Variants in KLHL1 observed in about 807,000 individuals in gnomAD.
The protein encoded by KLHL1 is kelch like family member 1.
In KLHL1, 47 loss-of-function variants were observed where a neutral mutation model predicts 77.7. The ratio of observed to expected loss-of-function variants is 0.60; its 90% CI spans 0.48 to 0.77. The LOEUF is 0.77. Ranked by LOEUF, KLHL1 falls within the 30% of genes least tolerant of loss-of-function variation. The pLI is 0.00. For missense variants in KLHL1, 925 were observed against 910.8 expected, an observed-to-expected ratio of 1.02 and a Z score of -0.20; for synonymous variants, 360 against 325.2, an observed-to-expected ratio of 1.11 and a Z score of -1.15.
At chr13:69,972,185 T>C (rs1208918669) in intron 2 of KLHL1, among the ~76,000 whole-genome samples, 1 of 151,982 alleles carries the variant, frequency 6.6e-6, no homozygotes. Context: ...TTTATATATG[T>C]TGTTTAGGTA....
In KLHL1 at chr13:69,789,292, G is replaced by A. The variant is rs1876740892; in HGVS notation, c.1639+7446C>T. Among the ~76,000 whole-genome samples, 3 of 150,648 alleles carry A rather than the reference G, an allele frequency of 2.0e-5. No individual in the cohort carries two copies. The South Asian group carries it at 6.3e-4, about 32-fold the overall frequency. ...TACATGTCTGTCTGTCTTTTATTTT[G>A]TATGGGTAACTTGACAAAATAAGTC... On this transcript the variant is annotated intron_variant, in intron 7 of 10. Coordinates refer to ENST00000377844, the MANE Select transcript of KLHL1 (RefSeq NM_020866.3).
Position 69,975,820 on chromosome 13 carries a change from A to G in KLHL1, c.498-18T>C. The G allele has an allele frequency of 6.5e-7, 1 of 1,536,456 alleles. No homozygotes were observed. Among genetic ancestry groups the G allele is most frequent in the Non-Finnish European group, 8.7e-7 (1 of 1,149,154 alleles). On this transcript the variant is annotated intron_variant, in intron 1 of 10. Coordinates refer to ENST00000377844, the MANE Select transcript of KLHL1 (RefSeq NM_020866.3). Reference sequence around the variant, plus strand: ...ATGACAGCCTATAAACCACACACACACACACACACACACAAAATAATAAAG... The same window carrying G: ...ATGACAGCCTATAAACCACACACACGCACACACACACACAAAATAATAAAG...
chr13:69,990,395 G>A (rs1884997132), intron 1 of KLHL1, among the ~76,000 whole-genome samples: 1 of 151,988 alleles, frequency 6.6e-6, no homozygotes, highest in African/African-American at 2.4e-5. Flanking sequence ...ATAAAAGCAA[G>A]AGCCAGGGGT....
chr13:70,002,090 CAA>C (rs1885306299), intron 1 of KLHL1, among the ~76,000 whole-genome samples: 1 of 151,524 alleles, frequency 6.6e-6, no homozygotes, highest in South Asian at 2.1e-4. Flanking sequence ...CTTGATAGAA[CAA>C]AATTCAGCAC....
chr13:70,088,421 T>G (rs1435099618), intron 1 of KLHL1, among the ~76,000 whole-genome samples: 1 of 152,174 alleles, frequency 6.6e-6, no homozygotes, highest in East Asian at 1.9e-4. Flanking sequence ...GGCTTACACC[T>G]GTAATTTCAA....
At chr13:70,090,762 T>C (rs1285904918) in intron 1 of KLHL1, among the ~76,000 whole-genome samples, 2 of 152,060 alleles carry the variant, frequency 1.3e-5, no homozygotes, top group Non-Finnish European at 2.9e-5. Context: ...CTGGGAAACA[T>C]CCATGTTGAA....
Position 69,892,991 on chromosome 13 carries a change from G to T in KLHL1, c.1015-10496C>A, listed in dbSNP as rs140095282. ...CCCTTCTGGGATGAATAATTTACTA[G>T]TTGCTTACAACCAACATTTAAAAAT... On this transcript the variant is annotated intron_variant, in intron 4 of 10. Transcript: ENST00000377844. Among the ~76,000 whole-genome samples, 1,053 of 152,152 alleles carry T rather than the reference G, an allele frequency of 6.9e-3. 54 individuals carry two copies. The highest frequency in any genetic ancestry group is 0.064 in the Admixed American group (977 of 15,254).
intron 1 of KLHL1, among the ~76,000 whole-genome samples, chr13:70,073,910 C>T (rs1185796848): frequency 1.3e-5 from 2 of 151,874 alleles, no homozygotes; most frequent in African/African-American, 2.4e-5. Context: ...ACCGCAGCCT[C>T]CACCTCCTGG....
intron 2 of KLHL1, among the ~76,000 whole-genome samples, chr13:69,973,422 T>C (rs1453257581): frequency 6.6e-6 from 1 of 151,716 alleles, no homozygotes; most frequent in Non-Finnish European, 1.5e-5. Context: ...AGCAATGCTT[T>C]TACTGAAAGA....
rs538945173 is a variant in KLHL1 at position 70,075,696 on chromosome 13, T to C, written c.497+31507A>G. ...GTATATATATATACACACACGTGTGTATATATGAAAATTAAACCTGAATTA... is the reference window on the plus strand; with the variant it reads ...GTATATATATATACACACACGTGTGCATATATGAAAATTAAACCTGAATTA... On this transcript the variant is annotated intron_variant, in intron 1 of 10. Transcript: ENST00000377844. Among the ~76,000 whole-genome samples the C allele has an allele frequency of 1.7e-3, 245 of 141,834 alleles. 1 individual carries two copies. Among genetic ancestry groups the C allele is most frequent in the African/African-American group, 6.4e-3 (236 of 37,122 alleles). 93.0% of individuals were successfully genotyped at this position (141,834 alleles called of 152,430 possible).
intron 1 of KLHL1, among the ~76,000 whole-genome samples, chr13:69,991,738 G>A (rs528586910): frequency 2.6e-5 from 4 of 151,782 alleles, no homozygotes; most frequent in African/African-American, 7.2e-5. Flanking sequence ...GTGCAAAGAG[G>A]AGCATTCCTA....
intron 6 of KLHL1, among the ~76,000 whole-genome samples, chr13:69,828,368 G>A (rs867335342): frequency 6.7e-6 from 1 of 150,100 alleles, no homozygotes; most frequent in South Asian, 2.1e-4. Context: ...AGAGGAAGTA[G>A]GATGAGCCCT....
At chr13:69,962,826 G>T (rs1884108200) in intron 2 of KLHL1, among the ~76,000 whole-genome samples, 1 of 151,784 alleles carries the variant, frequency 6.6e-6, no homozygotes, top group Non-Finnish European at 1.5e-5. Flanking sequence ...CTTTAATTTT[G>T]TGTAACAACT....
intron 1 of KLHL1, among the ~76,000 whole-genome samples, chr13:70,076,105 A>G (rs545769998): frequency 4.6e-5 from 7 of 152,058 alleles, no homozygotes; most frequent in Non-Finnish European, 1.0e-4. Flanking sequence ...TAAATCAAGC[A>G]TATTGTTTTG....
intron 7 of KLHL1, among the ~76,000 whole-genome samples, chr13:69,788,491 T>C (rs1876680907): frequency 6.6e-6 from 1 of 151,850 alleles, no homozygotes. Context: ...AAGGGGAACA[T>C]CACACTTCGG....
rs71116960 is a variant in KLHL1, at chr13:69,926,946, C to CAAAAAAAAAAAAAAAAAAAAAAAAAAA, written c.1014+13093_1014+13094insTTTTTTTTTTTTTTTTTTTTTTTTTTT. On this transcript the variant is annotated intron_variant, in intron 4 of 10. Coordinates refer to ENST00000377844, the MANE Select transcript of KLHL1 (RefSeq NM_020866.3). ...TGGGTGACAGAGTGAGACTCCATCT[C>CAAAAAAAAAAAAAAAAAAAAAAAAAAA]AAAAAAAAAAAAAAAAAAAAAAAAG... Among the ~76,000 whole-genome samples, 2 of 36,034 alleles carry CAAAAAAAAAAAAAAAAAAAAAAAAAAA rather than the reference C, an allele frequency of 5.6e-5. 1 individual carries two copies. The highest frequency in any genetic ancestry group is 8.7e-5 in the Non-Finnish European group (2 of 22,872). The allele number at this position is 36,034 out of a possible 152,430, so 23.6% of individuals were successfully genotyped here. A position where few individuals can be genotyped will look rare whatever the true frequency, so the allele number is the denominator to read the frequency against.
intron 5 of KLHL1, among the ~76,000 whole-genome samples, chr13:69,866,406 T>A (rs1014355745): frequency 2.0e-5 from 3 of 152,088 alleles, no homozygotes; most frequent in African/African-American, 7.2e-5. Flanking sequence ...CAATTTAGGA[T>A]CATTTACTCT....
chr13:69,906,988 A>AT (rs1281090825), intron 4 of KLHL1, among the ~76,000 whole-genome samples: 1 of 151,960 alleles, frequency 6.6e-6, no homozygotes, highest in African/African-American at 2.4e-5. Context: ...TAAACTACTT[A>AT]TTTTCACATT....
At chr13:69,979,799 C>T (rs1157046528) in intron 1 of KLHL1, among the ~76,000 whole-genome samples, 2 of 152,124 alleles carry the variant, frequency 1.3e-5, no homozygotes, top group Non-Finnish European at 2.9e-5. Context: ...TAAGTCTTCT[C>T]CAACCTAACA....
Sources: allele counts gnomAD v4.1 joint callset (sites outside exome capture counted in the v4.1 genomes callset), GRCh38; gene constraint gnomAD v4.1.1; transcripts MANE v1.5; gene names NCBI Gene and HGNC (gene_info 2026-07-23, HGNC 2026-07-21).